Variants in CHST9 observed in about 807,000 individuals in gnomAD.
CHST9 encodes carbohydrate sulfotransferase 9, also known as GalNAc-4-sulfotransferase 2.
CHST9 carries 41 observed loss-of-function variants against 44.4 expected under a neutral mutation model. That is an observed-to-expected ratio of 0.92 (90% CI 0.72 to 1.20). The LOEUF (loss-of-function observed/expected upper bound fraction) is 1.20. CHST9 is among the 50% of genes most tolerant of loss of function. The pLI is 0.00. For missense variants in CHST9, 504 were observed against 516.5 expected, an observed-to-expected ratio of 0.98 and a Z score of 0.23; for synonymous variants, 171 against 178.4, an observed-to-expected ratio of 0.96 and a Z score of 0.33.
At chr18:27,126,295 T>C (rs1377726405) in intron 2 of CHST9, among the ~76,000 whole-genome samples, 5 of 152,344 alleles carry the variant, frequency 3.3e-5, no homozygotes, top group Admixed American at 2.6e-4. Flanking sequence ...AACAAAATCC[T>C]ACCAGTTGTG....
chr18:27,133,417 G>A (rs139953214), intron 2 of CHST9, among the ~76,000 whole-genome samples: 59 of 152,282 alleles, frequency 3.9e-4, no homozygotes, highest in African/African-American at 1.3e-3. Flanking sequence ...GGGACAGCAC[G>A]TAAGAATACA....
chr18:27,090,344 T>C (rs2058056133), intron 2 of CHST9, among the ~76,000 whole-genome samples: 1 of 152,226 alleles, frequency 6.6e-6, no homozygotes, highest in African/African-American at 2.4e-5. Flanking sequence ...TTCTGGATAT[T>C]AGCCCTTTGT....
intron 4 of CHST9, among the ~76,000 whole-genome samples, chr18:27,008,697 C>T (rs2057046464): frequency 6.7e-6 from 1 of 148,766 alleles, no homozygotes; most frequent in Non-Finnish European, 1.5e-5. Context: ...TTCAACTGCT[C>T]CCCCTGTCCT....
At chr18:27,034,323 G>C (rs919432508) in intron 3 of CHST9, among the ~76,000 whole-genome samples, 1 of 151,978 alleles carries the variant, frequency 6.6e-6, no homozygotes, top group African/African-American at 2.4e-5. Flanking sequence ...TCCTAAATCT[G>C]ACAGCATCTC....
At position 27,142,911 on chromosome 18, in the gene CHST9, AT is replaced by A; in HGVS notation, c.-96-7del. ...GCCCAATTCCATAAAGTAACCTAGA[AT>A]TTTAAAAAGAAATCTACATTGTACA... On this transcript the variant is annotated splice_polypyrimidine_tract_variant and splice_region_variant and intron_variant, in intron 1 of 5. Transcript: ENST00000618847. 9.0e-7 allele frequency: 1 copy of A among 1,112,274 alleles called. No individual in the cohort carries two copies. Among genetic ancestry groups the A allele is most frequent in the Non-Finnish European group, 1.3e-6 (1 of 789,632 alleles). The allele number at this position is 1,112,274 out of a possible 1,614,324, so 68.9% of individuals were successfully genotyped here.
At chr18:27,073,727 T>C (rs1217324573) in intron 2 of CHST9, among the ~76,000 whole-genome samples, 1 of 151,806 alleles carries the variant, frequency 6.6e-6, no homozygotes, top group Non-Finnish European at 1.5e-5. Context: ...GTTCCCCTAC[T>C]CCCCCGCAAC....
At chr18:27,031,964 C>T (rs1167017922) in intron 3 of CHST9, among the ~76,000 whole-genome samples, 4 of 152,138 alleles carry the variant, frequency 2.6e-5, no homozygotes, top group Non-Finnish European at 4.4e-5. Context: ...AACCTTACCA[C>T]GCATGCATCA....
At chr18:26,990,830 T>C (rs1009091854) in intron 4 of CHST9, among the ~76,000 whole-genome samples, 5 of 152,208 alleles carry the variant, frequency 3.3e-5, no homozygotes, top group African/African-American at 1.2e-4. Flanking sequence ...TTCCTTGCCT[T>C]GTTACCTTTC....
intron 3 of CHST9, among the ~76,000 whole-genome samples, chr18:27,040,715 A>G (rs551806855): frequency 1.3e-5 from 2 of 152,172 alleles, no homozygotes; most frequent in South Asian, 2.1e-4. Context: ...AGTGACATAC[A>G]TTCACTTTAG....
intron 4 of CHST9, 37 bp from the exon 5 acceptor site, chr18:26,944,403 C>G: frequency 1.3e-6 from 2 of 1,481,778 alleles, no homozygotes; most frequent in African/African-American, 2.8e-5. Context: ...TACATTAAAG[C>G]ATGAAAATGA....
At chr18:27,069,095 C>G (rs1224406040) in intron 2 of CHST9, among the ~76,000 whole-genome samples, 1 of 152,142 alleles carries the variant, frequency 6.6e-6, no homozygotes, top group African/African-American at 2.4e-5. Context: ...TTTTCCCTTC[C>G]AGTAGATTTT....
At chr18:27,125,632 C>A (rs1255461489) in intron 2 of CHST9, among the ~76,000 whole-genome samples, 1 of 152,106 alleles carries the variant, frequency 6.6e-6, no homozygotes, top group African/African-American at 2.4e-5. Context: ...AAATATGTAG[C>A]CAGCAGCCAC....
At chr18:27,113,789 A>T (rs1017253650) in intron 2 of CHST9, among the ~76,000 whole-genome samples, 2 of 152,228 alleles carry the variant, frequency 1.3e-5, no homozygotes, top group Non-Finnish European at 2.9e-5. Context: ...TTGTTGTAGA[A>T]GTCCAAATGG....
chr18:26,971,968 T>C (rs1444589936), intron 4 of CHST9, among the ~76,000 whole-genome samples: 1 of 152,068 alleles, frequency 6.6e-6, no homozygotes, highest in Non-Finnish European at 1.5e-5. Flanking sequence ...TGTTAGAAGA[T>C]GACAAGTATT....
chr18:27,119,877 A>T (rs2058360098), intron 2 of CHST9, among the ~76,000 whole-genome samples: 1 of 152,230 alleles, frequency 6.6e-6, no homozygotes, highest in Non-Finnish European at 1.5e-5. Context: ...TGCTGAGAAT[A>T]CAACAGTAAA....
At chr18:27,026,753 A>T (rs2057289249) in intron 3 of CHST9, among the ~76,000 whole-genome samples, 1 of 152,206 alleles carries the variant, frequency 6.6e-6, no homozygotes, top group Non-Finnish European at 1.5e-5. Context: ...ATTGCTTCAC[A>T]AACAGAAATT....
intron 4 of CHST9, among the ~76,000 whole-genome samples, chr18:27,021,947 G>A (rs2143454981): frequency 6.6e-6 from 1 of 151,486 alleles, no homozygotes; most frequent in Non-Finnish European, 1.5e-5. Context: ...AGCCTCCTGA[G>A]TAGCTGGGAT....
chr18:27,002,905 A>G (rs2056970210), intron 4 of CHST9, among the ~76,000 whole-genome samples: 1 of 152,208 alleles, frequency 6.6e-6, no homozygotes, highest in African/African-American at 2.4e-5. Context: ...TTAATGGCAG[A>G]AATGTGAAAA....
In CHST9 at chr18:26,913,828, A is replaced by G. The variant is rs1405025231; in HGVS notation, c.*2431T>C. 1.3e-5 allele frequency: 2 copies of G among 152,198 alleles called. No individual in the cohort carries two copies. The highest frequency in any genetic ancestry group is 4.8e-5 in the African/African-American group (2 of 41,454). The allele number at this position is 152,198 out of a possible 1,614,324, so 9.4% of individuals were successfully genotyped here. On this transcript the variant is annotated 3_prime_UTR_variant, in exon 6 of 6. Transcript: ENST00000618847. ...CAAGGCCAAATAAGTCAGGAGAGAA[A>G]AATGGAGTTTGGCTTTAAACTCACA...
Sources: gnomAD v4.1 joint callset for allele counts (sites outside exome capture counted in the v4.1 genomes callset) on GRCh38, gnomAD v4.1.1 for gene constraint, MANE v1.5 for transcripts, NCBI Gene and HGNC (gene_info 2026-07-23, HGNC 2026-07-21) for gene names.